UBE3C: variants seen among roughly 807,000 people sequenced by gnomAD.
UBE3C encodes the protein ubiquitin-protein ligase E3C.
A neutral mutation model predicts 129.4 loss-of-function variants in UBE3C; 42 were observed. The observed-to-expected ratio is 0.32, with a 90% CI of 0.25 to 0.42. The LOEUF is 0.42. UBE3C is among the 10% of genes least tolerant of loss of function. The pLI is 1.00. For synonymous variants in UBE3C, 510 were observed against 492.4 expected, an observed-to-expected ratio of 1.04 and a Z score of -0.47; for missense variants, 1,049 against 1,319.1, an observed-to-expected ratio of 0.80 and a Z score of 3.17.
At chr7:157,257,434 T>C (rs1584827495) in intron 22 of UBE3C, among the ~76,000 whole-genome samples, 3 of 152,304 alleles carry the variant, frequency 2.0e-5, no homozygotes, top group Admixed American at 2.0e-4. Flanking sequence ...GAGCCTTATT[T>C]TACCACTTCT....
At chr7:157,185,681 C>T (rs962037675) in intron 9 of UBE3C, among the ~76,000 whole-genome samples, 5 of 152,138 alleles carry the variant, frequency 3.3e-5, no homozygotes, top group Non-Finnish European at 7.3e-5. Context: ...TTGATAAGCT[C>T]TTTTGCCTTT....
intron 18 of UBE3C, among the ~76,000 whole-genome samples, chr7:157,236,835 G>A (rs918838239): frequency 3.3e-5 from 5 of 151,758 alleles, no homozygotes; most frequent in Non-Finnish European, 5.9e-5. Flanking sequence ...GGGTTCAAGC[G>A]ATTCTCCTGC....
Position 157,231,365 on chromosome 7 carries a change from A to G in UBE3C, c.2481+38A>G, listed in dbSNP as rs772618473. On this transcript the variant is annotated intron_variant, in intron 18 of 22. Transcript: ENST00000348165. Reference sequence around the variant, plus strand: ...TCATATAAAAATAGACCTCGGACCAAAAGATGTTGACATTTTATGTTTATG... The same window carrying G: ...TCATATAAAAATAGACCTCGGACCAGAAGATGTTGACATTTTATGTTTATG... 5.0e-6 allele frequency: 8 copies of G among 1,601,798 alleles called. No homozygotes were observed. The African/African-American group carries it at 1.1e-4, about 22-fold the overall frequency.
chr7:157,143,389 TCTGACAGAA>T (rs2116784140), intron 1 of UBE3C, among the ~76,000 whole-genome samples: 1 of 152,318 alleles, frequency 6.6e-6, no homozygotes, highest in Non-Finnish European at 1.5e-5. Context: ...GATAGGCGTG[TCTGACAGAA>T]TAGAAAGGTC....
chr7:157,203,440 G>A (rs959381313), intron 11 of UBE3C, among the ~76,000 whole-genome samples: 21 of 152,040 alleles, frequency 1.4e-4, no homozygotes, highest in Admixed American at 1.2e-3. Flanking sequence ...TTCTGACTAC[G>A]CCAGCTTTGG....
chr7:157,225,673 G>A, intron 17 of UBE3C, 134 bp downstream of exon 17: 2 of 1,037,402 alleles, frequency 1.9e-6, no homozygotes, highest in Non-Finnish European at 2.6e-6. Flanking sequence ...GTGAGGCTGG[G>A]CATGGCAGCT....
At chr7:157,175,136 A>AAT (rs1808481529) in intron 5 of UBE3C, 102 bp downstream of exon 5, 99 of 372,516 alleles carry the variant, frequency 2.7e-4, no homozygotes, top group Middle Eastern at 8.0e-4. Flanking sequence ...GCTTTTCCAT[A>AAT]CTTTTTTTTT....
rs372668340 is a variant in UBE3C, at chr7:157,250,094, G to A, written c.2694+1514G>A. On this transcript the variant is annotated intron_variant, in intron 19 of 22. Transcript: ENST00000348165. ...ACTGACCCTGTGTGGTGAGAACAGGGGCAGGAAGTGGGGCTATCAGTTCCA... is the reference window on the plus strand; with the variant it reads ...ACTGACCCTGTGTGGTGAGAACAGGAGCAGGAAGTGGGGCTATCAGTTCCA... 3.9e-4 allele frequency among the ~76,000 whole-genome samples: 59 copies of A among 152,310 alleles called. 1 individual carries two copies. The highest frequency in any genetic ancestry group is 1.4e-3 in the African/African-American group (58 of 41,564).
At chr7:157,266,026 G>T (rs1015102760) in intron 22 of UBE3C, among the ~76,000 whole-genome samples, 2 of 152,144 alleles carry the variant, frequency 1.3e-5, no homozygotes, top group African/African-American at 4.8e-5. Flanking sequence ...ATGAATAGGG[G>T]AACTGGGGCC....
intron 10 of UBE3C, chr7:157,198,104 A>AT: frequency 6.2e-7 from 1 of 1,612,410 alleles, no homozygotes. Context: ...TTGTTGGTTC[A>AT]TTGTAAGGTC....
intron 22 of UBE3C, among the ~76,000 whole-genome samples, chr7:157,260,133 C>T (rs1796859501): frequency 1.1e-5 from 1 of 95,086 alleles, no homozygotes; most frequent in East Asian, 3.6e-4. Context: ...AATAACCATG[C>T]AAATAAAACA....
intron 16 of UBE3C, among the ~76,000 whole-genome samples, chr7:157,224,957 CTAAGT>C (rs1383695704): frequency 1.3e-5 from 2 of 152,150 alleles, no homozygotes; most frequent in African/African-American, 2.4e-5. Context: ...TCCTCACTAC[CTAAGT>C]TTTTATAAAG....
intron 19 of UBE3C, among the ~76,000 whole-genome samples, chr7:157,253,163 T>C (rs2116691829): frequency 6.6e-6 from 1 of 152,372 alleles, no homozygotes; most frequent in South Asian, 2.1e-4. Context: ...ATTCATATAA[T>C]CATGTAATCA....
chr7:157,189,572 A>C, intron 10 of UBE3C, among the ~76,000 whole-genome samples: 1 of 152,292 alleles, frequency 6.6e-6, no homozygotes, highest in Middle Eastern at 3.4e-3. Flanking sequence ...TTGTGACCCT[A>C]CTTACATGTA....
chr7:157,202,535 T>G (rs575335605), intron 11 of UBE3C, among the ~76,000 whole-genome samples: 7 of 152,250 alleles, frequency 4.6e-5, no homozygotes, highest in Admixed American at 3.3e-4. Flanking sequence ...TGCGTGCCTG[T>G]AATCCCAGCT....
At chr7:157,223,173 G>T (rs1475083522) in intron 15 of UBE3C, 81 bp from the exon 16 acceptor site, 3 of 1,418,766 alleles carry the variant, frequency 2.1e-6, no homozygotes, top group Non-Finnish European at 3.0e-6. Context: ...ATGATTTCAA[G>T]AATCTTCACC....
intron 11 of UBE3C, among the ~76,000 whole-genome samples, chr7:157,206,225 G>A (rs1310021263): frequency 1.3e-5 from 2 of 152,162 alleles, no homozygotes; most frequent in Non-Finnish European, 2.9e-5. Context: ...GAAGTTCTAG[G>A]TGAAATAAGT....
At chr7:157,239,199 C>T (rs940425152) in intron 18 of UBE3C, among the ~76,000 whole-genome samples, 1 of 152,114 alleles carries the variant, frequency 6.6e-6, no homozygotes, top group Non-Finnish European at 1.5e-5. Context: ...CTGGAAACTA[C>T]AAAAATGTCC....
chr7:157,204,774 G>C (rs1373226217), intron 11 of UBE3C, among the ~76,000 whole-genome samples: 2 of 152,226 alleles, frequency 1.3e-5, no homozygotes, highest in South Asian at 2.1e-4. Flanking sequence ...GCTTTGCCCA[G>C]ATGTCTTCAG....
Sources: allele counts gnomAD v4.1 joint callset (sites outside exome capture counted in the v4.1 genomes callset), GRCh38; gene constraint gnomAD v4.1.1; transcripts MANE v1.5; gene names NCBI Gene and HGNC (gene_info 2026-07-23, HGNC 2026-07-21).